RNF38: variants seen among roughly 807,000 people sequenced by gnomAD.
The protein encoded by RNF38 is ring finger protein 38.
RNF38 carries 15 observed loss-of-function variants against 67.2 expected under a neutral mutation model. The ratio of observed to expected loss-of-function variants is 0.22; its 90% CI spans 0.15 to 0.34. RNF38 has a LOEUF of 0.34. Ranked by LOEUF, RNF38 falls within the 10% of genes least tolerant of loss-of-function variation. The probability of loss-of-function intolerance (pLI) is 1.00; values close to 1 mark genes in which losing one functional copy is unlikely to be tolerated. For missense variants in RNF38, 524 were observed against 639.9 expected (o/e 0.82, Z 1.95); for synonymous variants, 220 against 218.8 (o/e 1.01, Z -0.05).
intron 1 of RNF38, among the ~76,000 whole-genome samples, chr9:36,395,327 CT>C (rs940870729): frequency 2.8e-4 from 41 of 145,512 alleles, no homozygotes; most frequent in East Asian, 5.9e-4. Context: ...CGTTCATTTC[CT>C]TTTTTTTTTT....
At chr9:36,372,379 ATTGT>A (rs1835453474) in intron 3 of RNF38, 2 of 568,292 alleles carry the variant, frequency 3.5e-6, no homozygotes, top group Non-Finnish European at 6.3e-6. Flanking sequence ...CTTGAAGTTT[ATTGT>A]TAATTGAGTT....
At chr9:36,375,857 A>C in intron 3 of RNF38, 77 bp downstream of exon 3, 1 of 1,363,336 alleles carries the variant, frequency 7.3e-7, no homozygotes, top group East Asian at 2.5e-5. Flanking sequence ...CTACAGAAAA[A>C]ATGTTTTCTG....
In RNF38 at chr9:36,365,447, A is replaced by T. The variant is rs543630131; in HGVS notation, c.570+4272T>A. ...GCCAGGCATGGTGGCAGGTGCCTGTAATCCCAGCTACTCAGGAGGCTGAGG... is the reference window on the plus strand; with the variant it reads ...GCCAGGCATGGTGGCAGGTGCCTGTTATCCCAGCTACTCAGGAGGCTGAGG... On this transcript the variant is annotated intron_variant, in intron 4 of 11. Transcript: ENST00000259605. Among the ~76,000 whole-genome samples the T allele has an allele frequency of 2.6e-5, 4 of 152,110 alleles. No homozygotes were observed. In the East Asian group the frequency reaches 7.8e-4, roughly 30 times the overall value.
At chr9:36,409,278 G>C (rs1288875575) in intron 2 of RNF38, among the ~76,000 whole-genome samples, 1 of 143,658 alleles carries the variant, frequency 7.0e-6, no homozygotes, top group Admixed American at 7.1e-5. Context: ...AAGAAGGAAA[G>C]AAAGAAAGAA....
chr9:36,434,868 A>T (rs1839025901), intron 1 of RNF38, among the ~76,000 whole-genome samples: 1 of 152,210 alleles, frequency 6.6e-6, no homozygotes, highest in Admixed American at 6.5e-5. Flanking sequence ...TCCCAAGTGG[A>T]AAGAATAGTG....
intron 1 of RNF38, among the ~76,000 whole-genome samples, chr9:36,441,011 A>C (rs1839179192): frequency 6.6e-6 from 1 of 152,180 alleles, no homozygotes; most frequent in Non-Finnish European, 1.5e-5. Flanking sequence ...CCAATCTAAT[A>C]CACTCAAGGC....
At chr9:36,361,455 G>A (rs929492606) in intron 4 of RNF38, among the ~76,000 whole-genome samples, 4 of 151,430 alleles carry the variant, frequency 2.6e-5, no homozygotes, top group African/African-American at 7.3e-5. Context: ...GAGCCACCAC[G>A]TCTGGCCAGA....
At chr9:36,450,062 T>A (rs940032050) in intron 1 of RNF38, among the ~76,000 whole-genome samples, 3 of 152,196 alleles carry the variant, frequency 2.0e-5, no homozygotes, top group Non-Finnish European at 2.9e-5. Flanking sequence ...TTCTTTTGTA[T>A]TTTTTATTGT....
At chr9:36,470,716 G>A (rs1303121167) in intron 1 of RNF38, among the ~76,000 whole-genome samples, 3 of 152,056 alleles carry the variant, frequency 2.0e-5, no homozygotes, top group African/African-American at 4.8e-5. Flanking sequence ...CAACCAAGGG[G>A]ATATACCTTA....
At chr9:36,352,934 T>TA (rs1410186467) in intron 7 of RNF38, 86 bp from the exon 8 acceptor site, 1 of 1,003,562 alleles carries the variant, frequency 1.0e-6, no homozygotes, top group Non-Finnish European at 1.5e-6. Flanking sequence ...AAAAAAGACT[T>TA]AAACAGTAAA....
chr9:36,356,031 G>A (rs1025460434), intron 6 of RNF38, among the ~76,000 whole-genome samples: 3 of 152,038 alleles, frequency 2.0e-5, no homozygotes, highest in Non-Finnish European at 4.4e-5. Flanking sequence ...ACTTTTAGTA[G>A]AGACAGGGTT....
At position 36,339,731 on chromosome 9, in the gene RNF38, A is replaced by C; in HGVS notation, c.*21T>G. 1 of 1,604,728 alleles carries C rather than the reference A, an allele frequency of 6.2e-7. No individual in the cohort carries two copies. The highest frequency in any genetic ancestry group is 8.5e-7 in the Non-Finnish European group (1 of 1,172,738). ...CATGTGATGAGGAACACCCAAACTAAATTTGTGCTTCTTAGGTTGGTCATT... is the reference window on the plus strand; with the variant it reads ...CATGTGATGAGGAACACCCAAACTACATTTGTGCTTCTTAGGTTGGTCATT... On this transcript the variant is annotated 3_prime_UTR_variant, in exon 12 of 12. Transcript: ENST00000259605.
intron 1 of RNF38, among the ~76,000 whole-genome samples, chr9:36,470,280 T>A (rs1839966181): frequency 6.6e-6 from 1 of 152,200 alleles, no homozygotes; most frequent in Admixed American, 6.5e-5. Flanking sequence ...ATCGGCATTT[T>A]AACAAGATCC....
intron 1 of RNF38, among the ~76,000 whole-genome samples, chr9:36,459,416 T>G (rs1839671492): frequency 6.6e-6 from 1 of 152,184 alleles, no homozygotes; most frequent in South Asian, 2.1e-4. Context: ...CTCCTTTTAT[T>G]TGTCCAAAAC....
intron 2 of RNF38, among the ~76,000 whole-genome samples, chr9:36,386,046 C>A (rs145070664): frequency 6.6e-6 from 1 of 152,182 alleles, no homozygotes; most frequent in Admixed American, 6.5e-5. Flanking sequence ...CCAGAATAAA[C>A]AAACTTATTT....
rs375374347 is a variant in RNF38, at chr9:36,398,102, C to G, written c.12+1995G>C. Among the ~76,000 whole-genome samples the G allele has an allele frequency of 1.7e-4, 26 of 152,260 alleles. 1 individual carries two copies. In the East Asian group the frequency reaches 1.7e-3, roughly 10 times the overall value. On this transcript the variant is annotated intron_variant, in intron 1 of 11. Transcript: ENST00000259605. ...ACAATCATAATTCAAATAATTATTG[C>G]TTGCCTGCCATATGCTGGATGCTGT...
chr9:36,403,665 A>C (rs1838112393), upstream of RNF38, among the ~76,000 whole-genome samples: 1 of 152,242 alleles, frequency 6.6e-6, no homozygotes, highest in South Asian at 2.1e-4. Flanking sequence ...AAAATGCTGA[A>C]GTTCCTTCAG....
upstream of RNF38, chr9:36,401,133 C>G (rs1364215648): frequency 4.1e-6 from 4 of 984,978 alleles, no homozygotes; most frequent in African/African-American, 7.0e-5. Flanking sequence ...CCGGAGCGCT[C>G]CTCCCTTTTC....
chr9:36,396,053 G>C (rs970864758), intron 1 of RNF38, among the ~76,000 whole-genome samples: 6 of 152,210 alleles, frequency 3.9e-5, no homozygotes, highest in Admixed American at 1.3e-4. Context: ...TCAATGAGGT[G>C]ACTTGAGCAT....
Sources: gnomAD v4.1 joint callset for allele counts (sites outside exome capture counted in the v4.1 genomes callset) on GRCh38, gnomAD v4.1.1 for gene constraint, MANE v1.5 for transcripts, NCBI Gene and HGNC (gene_info 2026-07-23, HGNC 2026-07-21) for gene names.